TLR2: variants seen among roughly 807,000 people sequenced by gnomAD.
The protein encoded by TLR2 is toll-like receptor 2.
A neutral mutation model predicts 9.1 loss-of-function variants in TLR2; 7 were observed. The ratio of observed to expected loss-of-function variants is 0.77; its 90% CI spans 0.44 to 1.44. TLR2 has a LOEUF of 1.44. Ranked by LOEUF, TLR2 falls within the 40% of genes most tolerant of loss-of-function variation. The probability of loss-of-function intolerance (pLI) is 0.01; values close to 1 mark genes in which losing one functional copy is unlikely to be tolerated. For synonymous variants in TLR2, 317 were observed against 344.6 expected, an observed-to-expected ratio of 0.92 and a Z score of 0.89; for missense variants, 812 against 904.6, an observed-to-expected ratio of 0.90 and a Z score of 1.31.
chr4:153,686,022 G>T (rs534833987), intron 1 of TLR2, among the ~76,000 whole-genome samples: 2 of 152,224 alleles, frequency 1.3e-5, no homozygotes, highest in Non-Finnish European at 2.9e-5. Context: ...ATCACATGGT[G>T]AGAGAGAGCA....
intron 2 of TLR2, among the ~76,000 whole-genome samples, chr4:153,692,861 G>T (rs1259610745): frequency 6.6e-6 from 1 of 152,216 alleles, no homozygotes; most frequent in Admixed American, 6.5e-5. Flanking sequence ...TGAGCAGGTT[G>T]AATTGACCAT....
At position 153,703,083 on chromosome 4, in the gene TLR2, T is replaced by A; in HGVS notation, c.176T>A (p.Leu59Gln). ...GLTEAVKSLD[L>Q]SNNRITYISN... is the part of the protein sequence containing the mutation. The stretch of plus-strand genomic sequence containing the variant: ...ACAGAAGCTGTAAAAAGCCTTGACC[T>A]GTCCAACAACAGGATCACCTACATT... Residue 59 changes from leucine (L) to glutamine (Q), a missense_variant, in exon 3 of 3, where the codon CTG becomes CAG. Physicochemically the swap from Leu to Gln is moderately radical, Grantham distance 113. Coordinates refer to ENST00000642700, the MANE Select transcript of TLR2 (RefSeq NM_001318789.2). The A allele has an allele frequency of 6.2e-7, 1 of 1,614,118 alleles. No individual in the cohort carries two copies. Among genetic ancestry groups the A allele is most frequent in the Non-Finnish European group, 8.5e-7 (1 of 1,180,034 alleles).
chr4:153,710,044 AG>A, downstream of TLR2: 1 of 183,066 alleles, frequency 5.5e-6, no homozygotes. Flanking sequence ...GTGTGTGAGA[AG>A]TACTTTGCAA....
At chr4:153,696,155 T>TG (rs1736480781) in intron 2 of TLR2, among the ~76,000 whole-genome samples, 1 of 152,146 alleles carries the variant, frequency 6.6e-6, no homozygotes, top group Non-Finnish European at 1.5e-5. Flanking sequence ...CTGGCTATTC[T>TG]GGGTCTTTTG....
chr4:153,696,761 T>C (rs2127041093), intron 2 of TLR2, among the ~76,000 whole-genome samples: 1 of 152,150 alleles, frequency 6.6e-6, no homozygotes, highest in Non-Finnish European at 1.5e-5. Context: ...ATTAAATTAC[T>C]AAGGGTAAAG....
In TLR2 at chr4:153,705,260, T is replaced by G. The variant is rs750539409; in HGVS notation, c.2353T>G (p.Ter785GluextTer26). 5 of 1,558,022 alleles carry G rather than the reference T, an allele frequency of 3.2e-6. No individual in the cohort carries two copies. The African/African-American group carries it at 5.5e-5, about 17-fold the overall frequency. Residue 785 changes from the stop codon to glutamate, a stop_lost, in exon 3 of 3, where the codon TAG becomes GAG. Transcript: ENST00000642700. The stretch of plus-strand genomic sequence containing the variant: ...AAATCTGAGAGCTGCGATAAAGTCC[T>G]AGGTTCCCATATTTAAGACCAGTCT... The part of the protein sequence containing the change: ...WVNLRAAIKS[*>E]
chr4:153,708,757 C>T (rs753737121), downstream of TLR2, among the ~76,000 whole-genome samples: 2 of 152,082 alleles, frequency 1.3e-5, no homozygotes, highest in African/African-American at 4.8e-5. Context: ...CAGATATGAA[C>T]ACGGGGGGAT....
chr4:153,710,181 A>G, downstream of TLR2: 2 of 488,956 alleles, frequency 4.1e-6, no homozygotes, highest in Admixed American at 7.3e-5. Context: ...ATGAAAAAAC[A>G]TGCTTTATTT....
chr4:153,706,954 G>A (rs1737350632), downstream of TLR2, among the ~76,000 whole-genome samples: 1 of 152,220 alleles, frequency 6.6e-6, no homozygotes, highest in South Asian at 2.1e-4. Flanking sequence ...GAGGGCAAGA[G>A]TACCACGCCT....
In TLR2 at chr4:153,704,664, A is replaced by G; in HGVS notation, c.1757A>G (p.His586Arg). ...QDVRLSVSEC[H>R]RTALVSGMCC... is the part of the protein sequence containing the mutation. ...GTCCGCCTCTCGGTGTCGGAATGTC[A>G]CAGGACAGCACTGGTGTCTGGCATG... Residue 586 changes from histidine (H) to arginine (R), a missense_variant, in exon 3 of 3, where the codon CAC becomes CGC. Transcript: ENST00000642700. The G allele has an allele frequency of 6.2e-7, 1 of 1,611,252 alleles. No individual in the cohort carries two copies. The highest frequency in any genetic ancestry group is 8.5e-7 in the Non-Finnish European group (1 of 1,179,168).
In TLR2 at chr4:153,704,633, C is replaced by T; in HGVS notation, c.1726C>T (p.Gln576Ter). 6.2e-7 allele frequency: 1 copy of T among 1,613,472 alleles called. No homozygotes were observed. The highest frequency in any genetic ancestry group is 1.1e-5 in the South Asian group (1 of 91,030). ...ATCCCATGTGCGTGGCCAGCAGGTTCAGGATGTCCGCCTCTCGGTGTCGGA... is the reference window on the plus strand; with the variant it reads ...ATCCCATGTGCGTGGCCAGCAGGTTTAGGATGTCCGCCTCTCGGTGTCGGA... Reference protein sequence around the residue: ...SPSHVRGQQVQDVRLSVSECH... With the variant: ...SPSHVRGQQV The change falls in exon 3 of 3, where the codon CAG becomes TAG. Residue 576 changes from glutamine (Q) to a stop codon, truncating the protein, a stop_gained. Coordinates refer to ENST00000642700, the MANE Select transcript of TLR2 (RefSeq NM_001318789.2). LOFTEE classifies it high-confidence loss of function.
chr4:153,697,213 C>A (rs557853412), intron 2 of TLR2, among the ~76,000 whole-genome samples: 14 of 151,968 alleles, frequency 9.2e-5, no homozygotes, highest in East Asian at 3.9e-4. Flanking sequence ...GCATGAATAT[C>A]AAAAACATAC....
Position 153,704,595 on chromosome 4 carries a change from T to C in TLR2, c.1688T>C (p.Leu563Pro). The C allele has an allele frequency of 1.2e-6, 2 of 1,613,600 alleles. No homozygotes were observed. Among genetic ancestry groups the C allele is most frequent in the Non-Finnish European group, 1.7e-6 (2 of 1,179,970 alleles). ...TTGATTGATTGGCCAGCAAATTACCTGTGTGACTCTCCATCCCATGTGCGT... is the reference window on the plus strand; with the variant it reads ...TTGATTGATTGGCCAGCAAATTACCCGTGTGACTCTCCATCCCATGTGCGT... ...KVLIDWPANYLCDSPSHVRGQ... is the reference protein window; with the variant it reads ...KVLIDWPANYPCDSPSHVRGQ... The change falls in exon 3 of 3, where the codon CTG (leucine) becomes CCG (proline). Residue 563 changes from leucine to proline, a missense_variant. Leu to Pro is a moderately conservative substitution (Grantham distance 98, BLOSUM62 -3). Coordinates refer to ENST00000642700, the MANE Select transcript of TLR2 (RefSeq NM_001318789.2).
chr4:153,707,831 C>G (rs1414623023), downstream of TLR2, among the ~76,000 whole-genome samples: 1 of 151,230 alleles, frequency 6.6e-6, no homozygotes, highest in Non-Finnish European at 1.5e-5. Context: ...AATCCCAGCA[C>G]TTTGGGAGGC....
intron 2 of TLR2, 28 bp from the exon 3 acceptor site, chr4:153,702,864 G>T: frequency 6.5e-7 from 1 of 1,537,786 alleles, no homozygotes; most frequent in South Asian, 1.2e-5. Flanking sequence ...CAAACACAAT[G>T]ACTTATTTGA....
chr4:153,708,423 C>A (rs1161732401), downstream of TLR2, among the ~76,000 whole-genome samples: 1 of 152,104 alleles, frequency 6.6e-6, no homozygotes, highest in Non-Finnish European at 1.5e-5. Flanking sequence ...ATCTCCCTAC[C>A]CCTTGAACAT....
At chr4:153,708,569 C>T (rs1316320411), downstream of TLR2, among the ~76,000 whole-genome samples, 1 of 152,148 alleles carries the variant, frequency 6.6e-6, no homozygotes, top group Non-Finnish European at 1.5e-5. Context: ...CGGTAGACAG[C>T]TAAGGCTAGT....
rs1452889357 is a variant in TLR2 at position 153,689,536 on chromosome 4, G to C, written c.-17+1489G>C. Among the ~76,000 whole-genome samples, 3 of 152,152 alleles carry C rather than the reference G, an allele frequency of 2.0e-5. No homozygotes were observed. The East Asian group carries it at 5.8e-4, about 29-fold the overall frequency. On this transcript the variant is annotated intron_variant, in intron 2 of 2. Transcript: ENST00000642700. The stretch of plus-strand genomic sequence containing the variant: ...CAATGCAATCTTCCCAAACAAGTAT[G>C]TTCATTATTTCTGGCCAGGTCCAAT...
At position 153,705,126 on chromosome 4, in the gene TLR2, T is replaced by A. The variant is rs1317545104; in HGVS notation, c.2219T>A (p.Ile740Asn). Residue 740 changes from isoleucine to asparagine, a missense_variant, in exon 3 of 3, where the codon ATT becomes AAT. Coordinates refer to ENST00000642700, the MANE Select transcript of TLR2 (RefSeq NM_001318789.2). ...DAAILILLEP[I>N]EKKAIPQRFC... The stretch of plus-strand genomic sequence containing the variant: ...GCCATTCTCATTCTTCTGGAGCCCA[T>A]TGAGAAAAAAGCCATTCCCCAGCGC... 6.2e-7 allele frequency: 1 copy of A among 1,614,000 alleles called. No individual in the cohort carries two copies. Among genetic ancestry groups the A allele is most frequent in the East Asian group, 2.2e-5 (1 of 44,874 alleles).
Sources: gnomAD v4.1 joint callset for allele counts (sites outside exome capture counted in the v4.1 genomes callset) on GRCh38, gnomAD v4.1.1 for gene constraint, MANE v1.5 for transcripts, NCBI Gene and HGNC (gene_info 2026-07-23, HGNC 2026-07-21) for gene names.